Variants in ANPEP observed in about 807,000 individuals in gnomAD.
ANPEP encodes the protein alanyl aminopeptidase, membrane.
ANPEP carries 70 observed loss-of-function variants against 114.6 expected under a neutral mutation model. The observed-to-expected ratio is 0.61, with a 90% CI of 0.50 to 0.75. The LOEUF is 0.75. Among genes scored for constraint, ANPEP ranks in the 30% least tolerant of loss-of-function variants. The pLI is 0.00. For synonymous variants in ANPEP, 548 were observed against 522.3 expected, an observed-to-expected ratio of 1.05 and a Z score of -0.67; for missense variants, 1,184 against 1,259.5, an observed-to-expected ratio of 0.94 and a Z score of 0.91.
In ANPEP at chr15:89,806,093, A is replaced by G; in HGVS notation, c.491T>C (p.Val164Ala). ...CTTCACCAGGGAGCCCTTGAGGTGCACCACCAGGTACTCGGTGGGCTCCAC... is the reference window on the plus strand; with the variant it reads ...CTTCACCAGGGAGCCCTTGAGGTGCGCCACCAGGTACTCGGTGGGCTCCAC... ...ELVEPTEYLVVHLKGSLVKDS... is the reference protein window; with the variant it reads ...ELVEPTEYLVAHLKGSLVKDS... The change falls in exon 2 of 21, where the codon GTG (valine) becomes GCG (alanine). Residue 164 changes from valine to alanine, a missense_variant. Coordinates refer to ENST00000300060, the MANE Select transcript of ANPEP (RefSeq NM_001150.3). The surrounding 1 kb of genome is among the most constrained non-coding windows in gnomAD (Gnocchi z 5.7). The G allele has an allele frequency of 6.2e-7, 1 of 1,613,902 alleles. No homozygotes were observed.
At chr15:89,791,599 A>G (rs28556743) in intron 18 of ANPEP, among the ~76,000 whole-genome samples, 2 of 135,284 alleles carry the variant, frequency 1.5e-5, no homozygotes, top group South Asian at 4.6e-4. Context: ...CACCATGCCT[A>G]TTTTTTTTTT....
Position 89,801,458 on chromosome 15 carries a change from A to T in ANPEP, c.1719T>A (p.Asn573Lys). Reference sequence around the variant, plus strand: ...ACTTGAATTCTGAGGGGCGGGTAACATTGGAATCGGGGTCAAGGAGGAAGT... The same window carrying T: ...ACTTGAATTCTGAGGGGCGGGTAACTTTGGAATCGGGGTCAAGGAGGAAGT... ...QEHFLLDPDS[N>K]VTRPSEFNYV... Residue 573 changes from asparagine (N) to lysine (K), a missense_variant, in exon 11 of 21, where the codon AAT (asparagine) becomes AAA (lysine). By Grantham distance (94) the Asn-to-Lys change is moderately conservative. Transcript: ENST00000300060. 1 of 1,614,104 alleles carries T rather than the reference A, an allele frequency of 6.2e-7. No homozygotes were observed. The highest frequency in any genetic ancestry group is 2.2e-5 in the East Asian group (1 of 44,878).
At position 89,804,016 on chromosome 15, in the gene ANPEP, G is replaced by T; in HGVS notation, c.1180-14C>A. ...GTTCCCGAACCACTGTGGGGGGAGG[G>T]GTCAGCTGGGCAAGCCACGCCCAGG... On this transcript the variant is annotated splice_polypyrimidine_tract_variant and intron_variant, in intron 6 of 20. Coordinates refer to ENST00000300060, the MANE Select transcript of ANPEP (RefSeq NM_001150.3). 6.2e-7 allele frequency: 1 copy of T among 1,612,826 alleles called. No homozygotes were observed. The highest frequency in any genetic ancestry group is 8.5e-7 in the Non-Finnish European group (1 of 1,179,090).
At position 89,790,955 on chromosome 15, in the gene ANPEP, G is replaced by A. The variant is rs201439023; in HGVS notation, c.2667C>T (p.Asn889=). The change falls in exon 19 of 21, where the codon AAC becomes AAT. Residue 889 remains asparagine (N), a splice_region_variant and synonymous_variant. Coordinates refer to ENST00000300060, the MANE Select transcript of ANPEP (RefSeq NM_001150.3). ...FVQSNWKKLF[N]DYGGGSFSFS... ...TGACACCCATTCCACAGACTCACTC[G>A]TTAAAAAGCTTCTTCCAGTTGCTCT... 23 of 1,613,918 alleles carry A rather than the reference G, an allele frequency of 1.4e-5. No homozygotes were observed. The highest frequency in any genetic ancestry group is 8.0e-5 in the African/African-American group (6 of 75,046).
chr15:89,800,247 G>A (rs1894560379), intron 12 of ANPEP, among the ~76,000 whole-genome samples: 1 of 152,122 alleles, frequency 6.6e-6, no homozygotes, highest in Admixed American at 6.6e-5. Context: ...ACATTAGCCT[G>A]TCTGATTCCT....
In ANPEP at chr15:89,789,908, A is replaced by C. The variant is rs143787505; in HGVS notation, c.2751+552T>G. Reference sequence around the variant, plus strand: ...CCCATCTCTACTAAAAATACAAAAAAATTAGCCAGGCGCGGTGGCGGGCAC... The same window carrying C: ...CCCATCTCTACTAAAAATACAAAAACATTAGCCAGGCGCGGTGGCGGGCAC... On this transcript the variant is annotated intron_variant, in intron 20 of 20. Transcript: ENST00000300060. Among the ~76,000 whole-genome samples the C allele has an allele frequency of 7.4e-3, 1,131 of 151,934 alleles. 6 individuals carry two copies. Among genetic ancestry groups the C allele is most frequent in the Non-Finnish European group, 0.012 (831 of 67,980 alleles).
intron 12 of ANPEP, among the ~76,000 whole-genome samples, chr15:89,800,778 C>G (rs1414071599): frequency 6.6e-6 from 1 of 152,084 alleles, no homozygotes; most frequent in Non-Finnish European, 1.5e-5. Flanking sequence ...TCAGGCTGGT[C>G]TCGAACTCCT....
At chr15:89,808,208 A>G (rs28368179) in intron 1 of ANPEP, among the ~76,000 whole-genome samples, 2,796 of 152,238 alleles carry the variant, frequency 0.018, 93 homozygotes, top group African/African-American at 0.064. Context: ...CCTTGGCACA[A>G]CCTGTTCCCT....
intron 2 of ANPEP, among the ~76,000 whole-genome samples, chr15:89,805,683 G>A (rs1026637492): frequency 6.6e-6 from 1 of 152,228 alleles, no homozygotes; most frequent in African/African-American, 2.4e-5. Flanking sequence ...GTGCCAGCAG[G>A]CTCTCAGGGA....
At position 89,792,335 on chromosome 15, in the gene ANPEP, G is replaced by T. The variant is rs151324184; in HGVS notation, c.2361-8C>A. On this transcript the variant is annotated splice_polypyrimidine_tract_variant and splice_region_variant and intron_variant, in intron 17 of 20. Coordinates refer to ENST00000300060, the MANE Select transcript of ANPEP (RefSeq NM_001150.3). ...CGCAGGTTGGGGTGGATCCTGGTGT[G>T]GGGTAGGGAGGTCAGGTGTGGAACA... 2.5e-6 allele frequency: 4 copies of T among 1,613,926 alleles called. No individual in the cohort carries two copies. Among genetic ancestry groups the T allele is most frequent in the Middle Eastern group, 1.6e-4 (1 of 6,084 alleles).
At chr15:89,805,657 T>G (rs1455890024) in intron 2 of ANPEP, among the ~76,000 whole-genome samples, 194 bp from the exon 3 acceptor site, 1 of 152,176 alleles carries the variant, frequency 6.6e-6, no homozygotes, top group African/African-American at 2.4e-5. Flanking sequence ...GGGTTGGGGC[T>G]CCTTCTGGAT....
At chr15:89,801,407 C>T in intron 11 of ANPEP, 28 bp downstream of exon 11, 1 of 1,612,182 alleles carries the variant, frequency 6.2e-7, no homozygotes, top group Non-Finnish European at 8.5e-7. Context: ...ACCCACCTGA[C>T]CATGCCTCAG....
At chr15:89,804,860 T>TG (rs751566403) in intron 4 of ANPEP, 47 of 825,034 alleles carry the variant, frequency 5.7e-5, no homozygotes, top group Non-Finnish European at 8.5e-5. Flanking sequence ...TGGTAACCGG[T>TG]GGGTCAGGAA....
Position 89,799,335 on chromosome 15 carries a change from A to C in ANPEP, c.1954-20T>G. On this transcript the variant is annotated intron_variant, in intron 13 of 20. Coordinates refer to ENST00000300060, the MANE Select transcript of ANPEP (RefSeq NM_001150.3). This position sits in a 1 kb window ranked among gnomAD's most constrained non-coding sequence, Gnocchi z 4.2. ...GATGGCCTAGAATGCGAAGCACAGC[A>C]TGTGACCATGGGTTGGCTGTGGGTG... 1 of 1,614,192 alleles carries C rather than the reference A, an allele frequency of 6.2e-7. No homozygotes were observed. The highest frequency in any genetic ancestry group is 8.5e-7 in the Non-Finnish European group (1 of 1,180,032).
rs118034795 is a variant in ANPEP at position 89,797,368 on chromosome 15, T to G, written c.2157+207A>C. 1,931 of 650,012 alleles carry G rather than the reference T, an allele frequency of 3.0e-3. 5 individuals carry two copies. Among genetic ancestry groups the G allele is most frequent in the Non-Finnish European group, 3.9e-3 (1,617 of 409,874 alleles). The allele number at this position is 650,012 out of a possible 1,614,324, so 40.3% of individuals were successfully genotyped here. A position where few individuals can be genotyped will look rare whatever the true frequency, so the allele number is the denominator to read the frequency against. On this transcript the variant is annotated intron_variant, in intron 15 of 20. Transcript: ENST00000300060. ...CCTCCTCAGTGCCTGCTCACTCACCTCCATGTCCCTCCGGCTCGCTCTTTC... is the reference window on the plus strand; with the variant it reads ...CCTCCTCAGTGCCTGCTCACTCACCGCCATGTCCCTCCGGCTCGCTCTTTC...
chr15:89,795,092 A>G (rs74443913), intron 15 of ANPEP, among the ~76,000 whole-genome samples: 5 of 33,862 alleles, frequency 1.5e-4, no homozygotes, highest in Non-Finnish European at 3.1e-4. Context: ...GAGTCAATGG[A>G]AAAAAAAAAA....
Position 89,801,576 on chromosome 15 carries a change from G to C in ANPEP, c.1601C>G (p.Thr534Ser). The C allele has an allele frequency of 6.2e-7, 1 of 1,614,092 alleles. No individual in the cohort carries two copies. The highest frequency in any genetic ancestry group is 1.7e-4 in the Middle Eastern group (1 of 6,046). ...AVNNRSIQLP[T>S]TVRDIMNRWT... ...GCGGTTCATGATGTCCCGCACGGTG[G>C]TGGGGAGTTGGATGGACCGGTTGTT... Residue 534 changes from threonine to serine, a missense_variant, in exon 11 of 21, where the codon ACC becomes AGC. By Grantham distance (58) the Thr-to-Ser change is moderately conservative. Transcript: ENST00000300060.
intron 20 of ANPEP, among the ~76,000 whole-genome samples, chr15:89,788,561 T>C (rs1250322496): frequency 6.6e-6 from 1 of 152,140 alleles, no homozygotes; most frequent in African/African-American, 2.4e-5. Context: ...GTAGTGATGG[T>C]TGTACCACAT....
At chr15:89,810,506 G>C (rs1205718962) in intron 1 of ANPEP, among the ~76,000 whole-genome samples, 1 of 152,172 alleles carries the variant, frequency 6.6e-6, no homozygotes, top group Non-Finnish European at 1.5e-5. Flanking sequence ...AAGAGGTGGA[G>C]GTTGCAGTGG....
Sources: gnomAD v4.1 joint callset for allele counts (sites outside exome capture counted in the v4.1 genomes callset) on GRCh38, gnomAD v4.1.1 for gene constraint, Gnocchi (gnomAD v3.1) non-coding constraint, MANE v1.5 for transcripts, NCBI Gene and HGNC (gene_info 2026-07-23, HGNC 2026-07-21) for gene names.